CCDC102A: variants seen among roughly 807,000 people sequenced by gnomAD.
CCDC102A encodes coiled-coil domain containing 102A.
CCDC102A carries 40 observed loss-of-function variants against 55.5 expected under a neutral mutation model. The ratio of observed to expected loss-of-function variants is 0.72; its 90% CI spans 0.56 to 0.94. The LOEUF (loss-of-function observed/expected upper bound fraction) is 0.94, where lower values mean the gene tolerates loss of function less well. Ranked by LOEUF, CCDC102A falls within the 40% of genes least tolerant of loss-of-function variation. The probability of loss-of-function intolerance (pLI) is 0.00; values close to 1 mark genes in which losing one functional copy is unlikely to be tolerated. For synonymous variants in CCDC102A, 323 were observed against 339.0 expected, an observed-to-expected ratio of 0.95 and a Z score of 0.52; for missense variants, 779 against 768.6, an observed-to-expected ratio of 1.01 and a Z score of -0.16.
intron 2 of CCDC102A, among the ~76,000 whole-genome samples, chr16:57,526,418 G>A (rs2032143343): frequency 6.6e-6 from 1 of 152,200 alleles, no homozygotes; most frequent in African/African-American, 2.4e-5. Context: ...ACCTACGGCG[G>A]GGCACCGATG....
At chr16:57,531,456 C>T (rs1295768258) in intron 1 of CCDC102A, among the ~76,000 whole-genome samples, 1 of 151,312 alleles carries the variant, frequency 6.6e-6, no homozygotes. Context: ...ACACCACCTT[C>T]ACTCACCTGG....
chr16:57,528,680 G>C lies in CCDC102A; in HGVS notation c.498C>G (p.Val166=). 1 of 1,128,738 alleles carries C rather than the reference G, an allele frequency of 8.9e-7. No individual in the cohort carries two copies. 69.9% of individuals were successfully genotyped at this position (1,128,738 alleles called of 1,614,324 possible). A position where few individuals can be genotyped will look rare whatever the true frequency, so the allele number is the denominator to read the frequency against. ...CGGGGCCGTCGCGCGTCTGGTCGGC[G>C]ACCCCCCGGGCGCCCCTCAGCCGCG... The part of the protein sequence containing the change: ...ELARLRGARG[V]ADQTRDGPEP... The change falls in exon 2 of 9, where the codon GTC becomes GTG. Residue 166 remains valine, a synonymous_variant. Coordinates refer to ENST00000258214, the MANE Select transcript of CCDC102A (RefSeq NM_033212.4).
At position 57,525,857 on chromosome 16, in the gene CCDC102A, C is replaced by T. The variant is rs374361397; in HGVS notation, c.812+44G>A. ...CTGTGATTCTGAGGGCGTTGTAGCACGGCCTGGCCCTGGCCCTGCCCCCTC... is the reference window on the plus strand; with the variant it reads ...CTGTGATTCTGAGGGCGTTGTAGCATGGCCTGGCCCTGGCCCTGCCCCCTC... On this transcript the variant is annotated intron_variant, in intron 3 of 8. Coordinates refer to ENST00000258214, the MANE Select transcript of CCDC102A (RefSeq NM_033212.4). The T allele has an allele frequency of 2.4e-5, 38 of 1,554,754 alleles. No individual in the cohort carries two copies. The East Asian group carries it at 4.7e-4, about 19-fold the overall frequency.
chr16:57,531,221 G>A (rs747183126), intron 1 of CCDC102A, among the ~76,000 whole-genome samples: 34 of 151,784 alleles, frequency 2.2e-4, no homozygotes, highest in Non-Finnish European at 3.7e-4. Flanking sequence ...AGAACTTGCT[G>A]CCTCCATTCC....
At chr16:57,514,839 A>T (rs1246195640) in intron 8 of CCDC102A, among the ~76,000 whole-genome samples, 3 of 152,144 alleles carry the variant, frequency 2.0e-5, no homozygotes, top group Non-Finnish European at 4.4e-5. Flanking sequence ...TGGTTCTGTG[A>T]TTCACAGAGT....
intron 8 of CCDC102A, among the ~76,000 whole-genome samples, chr16:57,513,350 GA>G (rs777336851): frequency 1.3e-5 from 2 of 152,170 alleles, no homozygotes; most frequent in Non-Finnish European, 2.9e-5. Flanking sequence ...AATTTACGAG[GA>G]AAACTTTGAG....
At chr16:57,525,613 C>A (rs1343966692) in intron 3 of CCDC102A, among the ~76,000 whole-genome samples, 6 of 152,206 alleles carry the variant, frequency 3.9e-5, no homozygotes, top group Admixed American at 3.9e-4. Flanking sequence ...CCCTCTCCCC[C>A]AACTAGAAAG....
intron 1 of CCDC102A, among the ~76,000 whole-genome samples, chr16:57,533,695 C>T (rs1342892749): frequency 6.6e-6 from 1 of 151,960 alleles, no homozygotes; most frequent in Non-Finnish European, 1.5e-5. Flanking sequence ...CAGTAACGTG[C>T]ACACACACAC....
intron 2 of CCDC102A, among the ~76,000 whole-genome samples, chr16:57,527,258 A>C (rs911562263): frequency 3.9e-5 from 6 of 152,182 alleles, no homozygotes; most frequent in African/African-American, 1.2e-4. Context: ...CCCTGCCCCT[A>C]GGTGGCTTTC....
At position 57,528,825 on chromosome 16, in the gene CCDC102A, G is replaced by T. The variant is rs1477882903; in HGVS notation, c.353C>A (p.Ala118Glu). 1.4e-5 allele frequency: 18 copies of T among 1,269,324 alleles called. No individual in the cohort carries two copies. The highest frequency in any genetic ancestry group is 1.7e-5 in the Non-Finnish European group (17 of 996,630). 78.6% of individuals were successfully genotyped at this position (1,269,324 alleles called of 1,614,324 possible). A position where few individuals can be genotyped will look rare whatever the true frequency, so the allele number is the denominator to read the frequency against. ...GCGCAGCTGGCGCACCTCCTCGCGC[G>T]CGCGGTTGCGCTCAGCGCGCACCTT... ...WSKVRAERNR[A>E]REEVRQLRQR... The change falls in exon 2 of 9, where the codon GCG becomes GAG. Residue 118 changes from alanine to glutamate, a missense_variant. Coordinates refer to ENST00000258214, the MANE Select transcript of CCDC102A (RefSeq NM_033212.4).
rs2031884382 is a variant in CCDC102A, at chr16:57,512,596, G to A, written c.*145C>T. ...CAGGGCGTTGGTAGGTGGGACTGTT[G>A]ACGCCATCCCTGGGAGAGAAGAAAG... On this transcript the variant is annotated 3_prime_UTR_variant, in exon 9 of 9. Coordinates refer to ENST00000258214, the MANE Select transcript of CCDC102A (RefSeq NM_033212.4). 6.0e-6 allele frequency: 6 copies of A among 994,862 alleles called. No homozygotes were observed. The Admixed American group carries it at 7.2e-5, about 12-fold the overall frequency. The allele number at this position is 994,862 out of a possible 1,614,324, so 61.6% of individuals were successfully genotyped here. A position where few individuals can be genotyped will look rare whatever the true frequency, so the allele number is the denominator to read the frequency against.
At chr16:57,517,447 A>G (rs952653707) in intron 6 of CCDC102A, among the ~76,000 whole-genome samples, 3 of 152,088 alleles carry the variant, frequency 2.0e-5, no homozygotes, top group African/African-American at 7.2e-5. Context: ...CCCGGTTTCA[A>G]GTGATTCTCC....
At chr16:57,535,729 A>G (rs1390012156) in intron 1 of CCDC102A, among the ~76,000 whole-genome samples, 1 of 148,720 alleles carries the variant, frequency 6.7e-6, no homozygotes, top group Non-Finnish European at 1.5e-5. Flanking sequence ...ATGCTGTGTG[A>G]TATCTGCAAG....
Position 57,512,318 on chromosome 16 carries a change from T to C in CCDC102A, c.*423A>G. 1 of 398,590 alleles carries C rather than the reference T, an allele frequency of 2.5e-6. No homozygotes were observed. Among genetic ancestry groups the C allele is most frequent in the East Asian group, 3.6e-5 (1 of 28,072 alleles). 24.7% of individuals were successfully genotyped at this position (398,590 alleles called of 1,614,324 possible). ...ATGCCCCAAGAACTTGAACTTCATT[T>C]ATTACAAATAACTGGGTTCACTGCA... On this transcript the variant is annotated 3_prime_UTR_variant, in exon 9 of 9. Transcript: ENST00000258214.
chr16:57,515,188 C>T (rs1240857721), intron 8 of CCDC102A, among the ~76,000 whole-genome samples, 153 bp downstream of exon 8: 2 of 152,160 alleles, frequency 1.3e-5, no homozygotes. Flanking sequence ...TGGCTCTGGC[C>T]CTTCCTGCCC....
At chr16:57,522,437 AC>A (rs1203674362) in intron 3 of CCDC102A, among the ~76,000 whole-genome samples, 7 of 152,080 alleles carry the variant, frequency 4.6e-5, no homozygotes, top group Admixed American at 4.6e-4. Flanking sequence ...CTTAAAGACT[AC>A]CCTGTTCCTG....
chr16:57,512,513 T>G lies in CCDC102A; in HGVS notation c.*228A>C. ...AAATGGGTCCAAAGACTTCTGGGTG[T>G]GCGCGCGCGCGCGCGCGTGTGTGTA... is the stretch of plus-strand genomic sequence containing the variant. On this transcript the variant is annotated 3_prime_UTR_variant, in exon 9 of 9. Transcript: ENST00000258214. 1 of 429,684 alleles carries G rather than the reference T, an allele frequency of 2.3e-6. No homozygotes were observed. The highest frequency in any genetic ancestry group is 4.1e-6 in the Non-Finnish European group (1 of 246,592). 26.6% of individuals were successfully genotyped at this position (429,684 alleles called of 1,614,324 possible).
rs200966797 is a variant in CCDC102A, at chr16:57,512,817, C to T, written c.1577G>A (p.Arg526His). ...ATCCTCGGCCTCCTCGGTGCCAAAG[C>T]GAGCACTGCGGATCTTCCCGAAGAG... Reference protein sequence around the residue: ...APLFGKIRSARFGTEEAEDGT... With the variant: ...APLFGKIRSAHFGTEEAEDGT... Residue 526 changes from arginine (R) to histidine (H), a missense_variant, in exon 9 of 9, where the codon CGC becomes CAC. Transcript: ENST00000258214. 23 of 1,614,112 alleles carry T rather than the reference C, an allele frequency of 1.4e-5. No individual in the cohort carries two copies. The highest frequency in any genetic ancestry group is 1.3e-4 in the East Asian group (6 of 44,876).
chr16:57,522,491 C>T (rs1339245921), intron 3 of CCDC102A, among the ~76,000 whole-genome samples: 3 of 152,198 alleles, frequency 2.0e-5, no homozygotes, highest in Non-Finnish European at 2.9e-5. Flanking sequence ...TGGACTCAAG[C>T]GATCCTGCCA....
Sources: allele counts gnomAD v4.1 joint callset (sites outside exome capture counted in the v4.1 genomes callset), GRCh38; gene constraint gnomAD v4.1.1; transcripts MANE v1.5; gene names NCBI Gene and HGNC (gene_info 2026-07-23, HGNC 2026-07-21).